The following SOX6 variants were observed in gnomAD, a reference collection of about 807,000 sequenced individuals.
The protein encoded by SOX6 is SRY-box transcription factor 6, also known as transcription factor SOX-6.
Under a neutral mutation model 97.8 loss-of-function variants are expected in SOX6, and 11 were observed. The observed-to-expected ratio is 0.11, with a 90% CI of 0.07 to 0.19. The LOEUF (loss-of-function observed/expected upper bound fraction) is 0.19, where lower values mean the gene tolerates loss of function less well. Ranked by LOEUF, SOX6 falls within the 10% of genes least tolerant of loss-of-function variation. SOX6 has a pLI of 1.00. For synonymous variants in SOX6, 360 were observed against 371.4 expected, an observed-to-expected ratio of 0.97 and a Z score of 0.35; for missense variants, 810 against 1,039.5, an observed-to-expected ratio of 0.78 and a Z score of 3.04.
intron 4 of SOX6, among the ~76,000 whole-genome samples, chr11:16,567,738 T>TTTTC (rs1231287828): frequency 6.8e-6 from 1 of 148,046 alleles, no homozygotes; most frequent in Non-Finnish European, 1.5e-5. Context: ...GGCTGATTTT[T>TTTTC]TTTTTTTTTT....
At chr11:16,541,004 G>T (rs535109563) in intron 4 of SOX6, among the ~76,000 whole-genome samples, 257 of 152,148 alleles carry the variant, frequency 1.7e-3, no homozygotes, top group Non-Finnish European at 3.2e-3. Context: ...AAAAGGGCCC[G>T]CATTGCCAAG....
chr11:16,176,154 C>A (rs1851181547), intron 6 of SOX6, among the ~76,000 whole-genome samples: 1 of 151,488 alleles, frequency 6.6e-6, no homozygotes, highest in Non-Finnish European at 1.5e-5. Context: ...TAAATCTAAA[C>A]AACTTAGCAT....
chr11:16,729,213 C>A (rs573339553), intron 2 of SOX6, among the ~76,000 whole-genome samples: 1 of 152,248 alleles, frequency 6.6e-6, no homozygotes, highest in Non-Finnish European at 1.5e-5. Flanking sequence ...CGTTCAAATT[C>A]GGGAAATACA....
At chr11:16,654,831 AC>A (rs995182060) in intron 3 of SOX6, among the ~76,000 whole-genome samples, 4 of 152,146 alleles carry the variant, frequency 2.6e-5, no homozygotes, top group African/African-American at 9.7e-5. Context: ...CTTCAGTTTT[AC>A]TATGATGAAC....
At chr11:16,730,755 C>G (rs1848343441) in intron 2 of SOX6, among the ~76,000 whole-genome samples, 1 of 151,996 alleles carries the variant, frequency 6.6e-6, no homozygotes, top group Admixed American at 6.6e-5. Context: ...GAGAGAAGAA[C>G]TGAAGGAGAC....
At chr11:16,344,427 T>C (rs993241083) in intron 1 of SOX6, among the ~76,000 whole-genome samples, 4 of 151,984 alleles carry the variant, frequency 2.6e-5, no homozygotes, top group South Asian at 2.1e-4. Context: ...TTTCTTTAGC[T>C]TTCCCCTTTA....
chr11:16,715,186 G>C (rs1848211334), intron 2 of SOX6, among the ~76,000 whole-genome samples: 1 of 151,936 alleles, frequency 6.6e-6, no homozygotes, highest in African/African-American at 2.4e-5. Context: ...TAATTGAGAA[G>C]GGCTGTAGTA....
intron 1 of SOX6, among the ~76,000 whole-genome samples, chr11:16,363,033 T>A (rs2134379640): frequency 6.6e-6 from 1 of 152,320 alleles, no homozygotes; most frequent in Non-Finnish European, 1.5e-5. Context: ...TACATATATG[T>A]ATATGCTTGA....
At chr11:16,143,314 C>T (rs1850198271) in intron 6 of SOX6, among the ~76,000 whole-genome samples, 1 of 152,160 alleles carries the variant, frequency 6.6e-6, no homozygotes, top group Non-Finnish European at 1.5e-5. Context: ...GAGATTTTGT[C>T]ACCACCAGGC....
intron 1 of SOX6, among the ~76,000 whole-genome samples, chr11:16,424,692 A>G (rs989951274): frequency 6.6e-6 from 1 of 152,248 alleles, no homozygotes; most frequent in Non-Finnish European, 1.5e-5. Flanking sequence ...GAATTCCTAG[A>G]TGTGAGATAC....
intron 1 of SOX6, among the ~76,000 whole-genome samples, chr11:16,468,830 C>A (rs1860088313): frequency 1.3e-5 from 2 of 152,114 alleles, no homozygotes; most frequent in Admixed American, 1.3e-4. Flanking sequence ...AGGTTTTTGC[C>A]TTCCTGAAAT....
intron 6 of SOX6, among the ~76,000 whole-genome samples, chr11:16,152,855 C>T (rs1850493639): frequency 6.6e-6 from 1 of 151,982 alleles, no homozygotes; most frequent in South Asian, 2.1e-4. Context: ...AGGTGTGTGC[C>T]ACCAAGCCCT....
At chr11:16,401,706 G>T (rs2134443113) in intron 1 of SOX6, among the ~76,000 whole-genome samples, 1 of 151,492 alleles carries the variant, frequency 6.6e-6, no homozygotes, top group South Asian at 2.1e-4. Context: ...AGTCTATGAG[G>T]TATCTATAAT....
intron 3 of SOX6, among the ~76,000 whole-genome samples, chr11:16,290,484 CAG>C (rs1248950843): frequency 6.6e-6 from 1 of 152,014 alleles, no homozygotes; most frequent in African/African-American, 2.4e-5. Context: ...GTATAAATGA[CAG>C]AGTGTTCAAC....
At chr11:16,187,652 A>AT (rs1851516439) in intron 4 of SOX6, among the ~76,000 whole-genome samples, 2 of 152,140 alleles carry the variant, frequency 1.3e-5, no homozygotes, top group Non-Finnish European at 2.9e-5. Flanking sequence ...CATTTTTCAA[A>AT]GAGAAAAAAA....
chr11:16,497,042 G>A (rs538157623), intron 4 of SOX6, among the ~76,000 whole-genome samples: 189 of 152,272 alleles, frequency 1.2e-3, no homozygotes, highest in Non-Finnish European at 7.8e-4. Flanking sequence ...TCTGACACGC[G>A]AGTAGCCTAA....
chr11:16,023,012 C>T (rs573982401), intron 12 of SOX6, among the ~76,000 whole-genome samples: 47 of 152,160 alleles, frequency 3.1e-4, no homozygotes, highest in East Asian at 1.6e-3. Context: ...TATGTATTTC[C>T]GAATGCCACT....
At chr11:16,198,710 T>G (rs1296674197) in intron 4 of SOX6, among the ~76,000 whole-genome samples, 1 of 152,176 alleles carries the variant, frequency 6.6e-6, no homozygotes, top group South Asian at 2.1e-4. Context: ...AACGTAATAC[T>G]TTAAAAGATC....
intron 1 of SOX6, among the ~76,000 whole-genome samples, chr11:16,423,809 C>A (rs544976360): frequency 2.0e-5 from 3 of 152,052 alleles, no homozygotes; most frequent in Non-Finnish European, 2.9e-5. Context: ...ATAAATCAGA[C>A]CTCCTAGAAA....
Sources: allele counts gnomAD v4.1 joint callset (sites outside exome capture counted in the v4.1 genomes callset), GRCh38; gene constraint gnomAD v4.1.1; transcripts MANE v1.5; gene names NCBI Gene and HGNC (gene_info 2026-07-23, HGNC 2026-07-21).